The following RBMS3 variants were observed in gnomAD, a reference collection of about 807,000 sequenced individuals.
The protein encoded by RBMS3 is RNA-binding motif, single-stranded-interacting protein 3.
Under a neutral mutation model 66.8 loss-of-function variants are expected in RBMS3, and 27 were observed. That is an observed-to-expected ratio of 0.40 (90% CI 0.30 to 0.56). The LOEUF is 0.56. RBMS3 is among the 20% of genes least tolerant of loss of function. The pLI is 0.40. For synonymous variants in RBMS3, 188 were observed against 183.0 expected, an observed-to-expected ratio of 1.03 and a Z score of -0.22; for missense variants, 513 against 549.5, an observed-to-expected ratio of 0.93 and a Z score of 0.66.
Position 29,988,192 on chromosome 3 carries a change from C to T in RBMS3, c.1148C>T (p.Thr383Met), listed in dbSNP as rs199569162. 75 of 1,613,046 alleles carry T rather than the reference C, an allele frequency of 4.6e-5. No homozygotes were observed. Among genetic ancestry groups the T allele is most frequent in the Middle Eastern group, 1.6e-4 (1 of 6,062 alleles). Reference protein sequence around the residue: ...PMQGTYIPQYTPVPPTAVSIE... With the variant: ...PMQGTYIPQYMPVPPTAVSIE... ...CAAGGGACCTACATTCCTCAGTACA[C>T]GCCTGTGCCTCCGACAGCTGTTTCT... The change falls in exon 13 of 15, where the codon ACG becomes ATG. Residue 383 changes from threonine (T) to methionine (M), a missense_variant. Thr to Met is a moderately conservative substitution (Grantham distance 81, BLOSUM62 -1). Transcript: ENST00000383767.
At chr3:29,548,015 G>A (rs780318805) in intron 3 of RBMS3, among the ~76,000 whole-genome samples, 3 of 151,718 alleles carry the variant, frequency 2.0e-5, no homozygotes, top group African/African-American at 2.4e-5. Flanking sequence ...GGCTGGTCTC[G>A]CACTTCTGAC....
At chr3:29,399,434 C>G (rs1424839088) in intron 1 of RBMS3, among the ~76,000 whole-genome samples, 1 of 151,812 alleles carries the variant, frequency 6.6e-6, no homozygotes, top group Non-Finnish European at 1.5e-5. Context: ...GCAAATCTAT[C>G]TATTAAGAGC....
intron 4 of RBMS3, among the ~76,000 whole-genome samples, chr3:29,600,302 A>G (rs565529066): frequency 6.6e-6 from 1 of 152,172 alleles, no homozygotes; most frequent in East Asian, 1.9e-4. Context: ...TCATAAAGGT[A>G]GATCCCTCAT....
intron 5 of RBMS3, among the ~76,000 whole-genome samples, chr3:29,749,410 C>A (rs1208348695): frequency 6.6e-6 from 1 of 152,184 alleles, no homozygotes; most frequent in Non-Finnish European, 1.5e-5. Context: ...TTTAGTAGTG[C>A]TCTTGGCCTG....
At chr3:29,782,635 C>T (rs569425143) in intron 6 of RBMS3, among the ~76,000 whole-genome samples, 3 of 152,242 alleles carry the variant, frequency 2.0e-5, no homozygotes, top group Middle Eastern at 3.4e-3. Context: ...TTTAACACCC[C>T]CAAAAGATCA....
chr3:29,993,290 C>T (rs959996412), intron 14 of RBMS3, among the ~76,000 whole-genome samples: 1 of 148,956 alleles, frequency 6.7e-6, no homozygotes, highest in Non-Finnish European at 1.5e-5. Flanking sequence ...AACTCCAGTC[C>T]AAGCATATTG....
chr3:29,406,387 G>A (rs531002478), intron 1 of RBMS3, among the ~76,000 whole-genome samples: 1 of 152,304 alleles, frequency 6.6e-6, no homozygotes, highest in African/African-American at 2.4e-5. Flanking sequence ...TAAAAGCTAT[G>A]ACTGTAGCTT....
At chr3:29,496,300 T>A (rs78837254) in intron 3 of RBMS3, among the ~76,000 whole-genome samples, 2,410 of 152,246 alleles carry the variant, frequency 0.016, 26 homozygotes, top group Admixed American at 0.036. Context: ...CTAGCCTTTT[T>A]TTGTGAATTT....
intron 6 of RBMS3, among the ~76,000 whole-genome samples, chr3:29,866,025 A>G (rs1449146958): frequency 1.3e-5 from 2 of 149,692 alleles, no homozygotes; most frequent in Non-Finnish European, 3.0e-5. Context: ...TGAATGATCT[A>G]TGTAAAATGG....
chr3:29,363,633 A>G (rs1286131314), intron 1 of RBMS3, among the ~76,000 whole-genome samples: 1 of 152,064 alleles, frequency 6.6e-6, no homozygotes, highest in Non-Finnish European at 1.5e-5. Context: ...TACTAAAAAC[A>G]TAAAAAATTA....
At chr3:29,525,886 A>G (rs1030891534) in intron 3 of RBMS3, among the ~76,000 whole-genome samples, 2 of 152,220 alleles carry the variant, frequency 1.3e-5, no homozygotes, top group South Asian at 2.1e-4. Context: ...TGCTTATGCT[A>G]TTATCTCTGA....
At chr3:29,290,127 T>A (rs141046096) in intron 1 of RBMS3, among the ~76,000 whole-genome samples, 119 of 152,048 alleles carry the variant, frequency 7.8e-4, no homozygotes, top group African/African-American at 2.8e-3. Context: ...GAGGCTATTG[T>A]CGATGTCTGT....
At chr3:29,717,607 T>C (rs539944882) in intron 4 of RBMS3, among the ~76,000 whole-genome samples, 49 of 152,248 alleles carry the variant, frequency 3.2e-4, no homozygotes, top group South Asian at 1.7e-3. Context: ...TAAAAATCTG[T>C]TAACGTTTTT....
chr3:29,497,434 C>T (rs2043797036), intron 3 of RBMS3, among the ~76,000 whole-genome samples: 1 of 152,222 alleles, frequency 6.6e-6, no homozygotes, highest in Non-Finnish European at 1.5e-5. Flanking sequence ...TCTGACTAAA[C>T]AGAAACTGTC....
At chr3:29,918,143 T>A (rs954702679) in intron 10 of RBMS3, among the ~76,000 whole-genome samples, 3 of 152,154 alleles carry the variant, frequency 2.0e-5, no homozygotes, top group Non-Finnish European at 4.4e-5. Flanking sequence ...TTTCATTATA[T>A]CTGGCTTGAT....
chr3:29,500,251 T>C (rs9861753), intron 3 of RBMS3, among the ~76,000 whole-genome samples: 19,890 of 151,326 alleles, frequency 0.13, 1,924 homozygotes, highest in African/African-American at 0.27. Flanking sequence ...AAATTATTGG[T>C]AATACTATTT....
chr3:29,897,644 G>C (rs2060156486), intron 9 of RBMS3, among the ~76,000 whole-genome samples, 169 bp downstream of exon 9: 1 of 151,666 alleles, frequency 6.6e-6, no homozygotes, highest in Admixed American at 6.6e-5. Flanking sequence ...TCAAGAGCCT[G>C]TTTGCATCAA....
At chr3:29,734,291 A>C (rs1478867248) in intron 4 of RBMS3, among the ~76,000 whole-genome samples, 1 of 152,124 alleles carries the variant, frequency 6.6e-6, no homozygotes, top group Admixed American at 6.5e-5. Flanking sequence ...ACCAGGTACA[A>C]AATTACAGCT....
At chr3:29,857,081 C>T (rs2059094833) in intron 6 of RBMS3, among the ~76,000 whole-genome samples, 1 of 152,172 alleles carries the variant, frequency 6.6e-6, no homozygotes, top group Non-Finnish European at 1.5e-5. Context: ...TGCCTCCAGC[C>T]TTGTTAACTC....
Sources: gnomAD v4.1 joint callset for allele counts (sites outside exome capture counted in the v4.1 genomes callset) on GRCh38, gnomAD v4.1.1 for gene constraint, MANE v1.5 for transcripts, NCBI Gene and HGNC (gene_info 2026-07-23, HGNC 2026-07-21) for gene names.